The following DCC variants were observed in gnomAD, a reference collection of about 807,000 sequenced individuals.
DCC encodes netrin receptor DCC.
A neutral mutation model predicts 172.5 loss-of-function variants in DCC; 58 were observed. The ratio of observed to expected loss-of-function variants is 0.34; its 90% CI spans 0.27 to 0.42. The LOEUF is 0.42. Among genes scored for constraint, DCC ranks in the 10% least tolerant of loss-of-function variants. DCC has a pLI of 1.00. For missense variants in DCC, 1,740 were observed against 1,791.0 expected (o/e 0.97, Z 0.51); for synonymous variants, 709 against 644.5 (o/e 1.10, Z -1.52).
At chr18:52,888,799 ATG>A (rs2039605720) in intron 2 of DCC, among the ~76,000 whole-genome samples, 1 of 152,074 alleles carries the variant, frequency 6.6e-6, no homozygotes, top group Admixed American at 6.6e-5. Context: ...GCAAATGTGT[ATG>A]TGTATATACA....
chr18:52,894,909 C>T (rs552060589), intron 2 of DCC, among the ~76,000 whole-genome samples: 2 of 152,282 alleles, frequency 1.3e-5, no homozygotes, highest in East Asian at 1.9e-4. Context: ...CCCTTATAGA[C>T]ACATCCAAAA....
chr18:53,487,529 C>CTT (rs34404262), intron 26 of DCC, among the ~76,000 whole-genome samples: 3,457 of 120,144 alleles, frequency 0.029, 81 homozygotes, highest in Non-Finnish European at 0.038. Flanking sequence ...CCATTTGACT[C>CTT]TTTTTTTTTT....
At chr18:52,394,818 G>T (rs56167786) in intron 1 of DCC, among the ~76,000 whole-genome samples, 13,896 of 152,026 alleles carry the variant, frequency 0.091, 830 homozygotes, top group South Asian at 0.16. Context: ...CTGAGGTTTG[G>T]GCTTGAGCCA....
chr18:52,559,419 G>T (rs1429705054), intron 1 of DCC, among the ~76,000 whole-genome samples: 1 of 152,154 alleles, frequency 6.6e-6, no homozygotes, highest in African/African-American at 2.4e-5. Flanking sequence ...CCTAAGAGAG[G>T]TTATTTGAAA....
intron 5 of DCC, among the ~76,000 whole-genome samples, chr18:52,963,146 G>A (rs1422298227): frequency 6.6e-6 from 1 of 151,640 alleles, no homozygotes; most frequent in East Asian, 1.9e-4. Context: ...TAAGACTCCA[G>A]TAAAAATTTG....
At chr18:52,491,169 A>G (rs1291355025) in intron 1 of DCC, among the ~76,000 whole-genome samples, 2 of 151,732 alleles carry the variant, frequency 1.3e-5, no homozygotes, top group Non-Finnish European at 2.9e-5. Context: ...ATCTTACCCC[A>G]TTTATTCATT....
chr18:53,488,792 T>A (rs2045929733), intron 26 of DCC, among the ~76,000 whole-genome samples: 1 of 152,216 alleles, frequency 6.6e-6, no homozygotes, highest in Non-Finnish European at 1.5e-5. Context: ...AGGAGGCTTG[T>A]GAGAAATCTC....
chr18:52,856,470 CA>C (rs940362131), intron 2 of DCC, among the ~76,000 whole-genome samples: 1 of 150,884 alleles, frequency 6.6e-6, no homozygotes, highest in African/African-American at 2.4e-5. Flanking sequence ...CTAAAAAATA[CA>C]AAAAAATAGC....
intron 5 of DCC, among the ~76,000 whole-genome samples, chr18:52,931,482 T>G (rs982978109): frequency 6.6e-6 from 1 of 152,264 alleles, no homozygotes; most frequent in East Asian, 1.9e-4. Flanking sequence ...TGTCTGTGAA[T>G]GTGAACCTTC....
chr18:52,847,577 A>G (rs2038914036), intron 2 of DCC, among the ~76,000 whole-genome samples: 1 of 152,230 alleles, frequency 6.6e-6, no homozygotes, highest in Non-Finnish European at 1.5e-5. Context: ...CTATGAGTAT[A>G]TAAAGATCGT....
intron 9 of DCC, among the ~76,000 whole-genome samples, chr18:53,184,277 CAG>C (rs1476549364): frequency 2.0e-5 from 3 of 152,058 alleles, no homozygotes; most frequent in Non-Finnish European, 2.9e-5. Context: ...GTCTTATGAA[CAG>C]AAAGTGCTAC....
intron 13 of DCC, among the ~76,000 whole-genome samples, chr18:53,320,342 G>A (rs2057396867): frequency 6.6e-6 from 1 of 152,146 alleles, no homozygotes; most frequent in Non-Finnish European, 1.5e-5. Flanking sequence ...AAAGTGCTGG[G>A]ATTACAGGCA....
chr18:52,469,531 A>G (rs1285099214), intron 1 of DCC, among the ~76,000 whole-genome samples: 2 of 152,212 alleles, frequency 1.3e-5, no homozygotes, highest in African/African-American at 4.8e-5. Context: ...TGGGAGGCTA[A>G]TACTTATACT....
At chr18:53,381,571 ACC>A (rs1364337836) in intron 15 of DCC, among the ~76,000 whole-genome samples, 2 of 75,846 alleles carry the variant, frequency 2.6e-5, no homozygotes, top group African/African-American at 1.0e-4. Flanking sequence ...CCCCCCCCCC[ACC>A]ACCACCTTAC....
intron 5 of DCC, among the ~76,000 whole-genome samples, chr18:53,025,081 A>G (rs1173396195): frequency 6.6e-6 from 1 of 152,128 alleles, no homozygotes; most frequent in Admixed American, 6.6e-5. Context: ...CAAAAAGATG[A>G]AAAGCTTTAA....
At chr18:52,548,197 A>G (rs1271950685) in intron 1 of DCC, among the ~76,000 whole-genome samples, 4 of 152,146 alleles carry the variant, frequency 2.6e-5, no homozygotes, top group Non-Finnish European at 5.9e-5. Flanking sequence ...GCCTTTTGAA[A>G]ACACAGGAAT....
At chr18:52,805,559 C>A (rs908682278) in intron 2 of DCC, among the ~76,000 whole-genome samples, 113 of 152,286 alleles carry the variant, frequency 7.4e-4, no homozygotes, top group African/African-American at 2.6e-3. Flanking sequence ...AGGTAAAATT[C>A]TTCCACAGGT....
chr18:53,090,698 C>CAACAAAAA (rs2042990907), intron 7 of DCC, among the ~76,000 whole-genome samples: 1 of 39,356 alleles, frequency 2.5e-5, no homozygotes, highest in Non-Finnish European at 5.5e-5. Flanking sequence ...CGTCCCCCAA[C>CAACAAAAA]AAAAAAAAAA....
intron 5 of DCC, among the ~76,000 whole-genome samples, chr18:53,035,416 T>C (rs535057208): frequency 1.3e-5 from 2 of 152,238 alleles, no homozygotes; most frequent in South Asian, 4.1e-4. Flanking sequence ...AGATATGGTC[T>C]AAAGATTCTG....
Sources: gnomAD v4.1 joint callset for allele counts (sites outside exome capture counted in the v4.1 genomes callset) on GRCh38, gnomAD v4.1.1 for gene constraint, MANE v1.5 for transcripts, NCBI Gene and HGNC (gene_info 2026-07-23, HGNC 2026-07-21) for gene names.